CTNNA2: variants seen among roughly 807,000 people sequenced by gnomAD.
The protein encoded by CTNNA2 is catenin alpha 2, also known as catenin alpha-2.
CTNNA2 carries 42 observed loss-of-function variants against 101.0 expected under a neutral mutation model. That is an observed-to-expected ratio of 0.42 (90% CI 0.32 to 0.54). The LOEUF is 0.54. Among genes scored for constraint, CTNNA2 ranks in the 20% least tolerant of loss-of-function variants. The pLI, the probability that CTNNA2 is intolerant of heterozygous loss-of-function variation, is 0.14. For synonymous variants in CTNNA2, 450 were observed against 456.4 expected (o/e 0.99, Z 0.18); for missense variants, 871 against 1,223.1 (o/e 0.71, Z 4.29).
At chr2:79,624,580 G>T (rs1267914275) in intron 1 of CTNNA2, among the ~76,000 whole-genome samples, 2 of 152,154 alleles carry the variant, frequency 1.3e-5, no homozygotes, top group African/African-American at 4.8e-5. Flanking sequence ...GATGTTGCTG[G>T]TTCAAGACTG....
At position 79,759,990 on chromosome 2, in the gene CTNNA2, T is replaced by C. The variant is rs75198794; in HGVS notation, c.298+15408T>C. Among the ~76,000 whole-genome samples the C allele has an allele frequency of 8.1e-3, 1,239 of 152,298 alleles. 43 individuals carry two copies. The East Asian group carries it at 0.098, about 12-fold the overall frequency. ...CCAAAGCAGGTCTTAAAGCTATTCA[T>C]TTTAAGGCGGTATAGCATATTCGTT... On this transcript the variant is annotated intron_variant, in intron 3 of 18. Coordinates refer to ENST00000402739, the MANE Select transcript of CTNNA2 (RefSeq NM_001282597.3).
At chr2:79,393,795 A>G (rs930868072) in intron 4 of CTNNA2, among the ~76,000 whole-genome samples, 1 of 152,048 alleles carries the variant, frequency 6.6e-6, no homozygotes, top group Non-Finnish European at 1.5e-5. Context: ...ATAGTTTTAC[A>G]TCAGAAATAG....
At chr2:79,438,214 A>G (rs1302348043) in intron 4 of CTNNA2, among the ~76,000 whole-genome samples, 1 of 152,252 alleles carries the variant, frequency 6.6e-6, no homozygotes, top group South Asian at 2.1e-4. Flanking sequence ...AATTACCCCA[A>G]AGCTCTAGAG....
chr2:79,492,605 C>T (rs1414397302), intron 4 of CTNNA2, among the ~76,000 whole-genome samples: 1 of 152,024 alleles, frequency 6.6e-6, no homozygotes, highest in Non-Finnish European at 1.5e-5. Context: ...TTTGAACTTT[C>T]ATAATTTGCA....
At chr2:79,547,260 C>G (rs147605049) in intron 1 of CTNNA2, 137 of 152,156 alleles carry the variant, frequency 9.0e-4, no homozygotes, top group African/African-American at 3.2e-3. Context: ...TCATCTGGTA[C>G]CTAATAAATT....
rs1311375637 is a variant in CTNNA2, at chr2:80,252,788, C to A, written c.1057-140423C>A. On this transcript the variant is annotated intron_variant, in intron 7 of 18. Coordinates refer to ENST00000402739, the MANE Select transcript of CTNNA2 (RefSeq NM_001282597.3). ...GAAGTTATGCAAGCTCACGAGGTTA[C>A]AAGAGGACTTGTAGGCGGCGACTTG... 2.0e-5 allele frequency among the ~76,000 whole-genome samples: 3 copies of A among 152,120 alleles called. No homozygotes were observed. The East Asian group carries it at 5.8e-4, about 29-fold the overall frequency.
chr2:79,562,158 A>C (rs965768935), intron 1 of CTNNA2, among the ~76,000 whole-genome samples: 1 of 152,016 alleles, frequency 6.6e-6, no homozygotes, highest in African/African-American at 2.4e-5. Context: ...ATCCAACTAC[A>C]TTCTTTTGTA....
In CTNNA2 at chr2:79,435,568, T is replaced by A. The variant is rs1993101; in HGVS notation, c.-135+61555T>A. ...AACTTATTCCTTGGGAAATTCGTGA[T>A]TCTGGGTTATCCCTCTCAGATGAAA... On this transcript the variant is annotated intron_variant, in intron 4 of 21. Transcript: ENST00000466387. Among the ~76,000 whole-genome samples, 730 of 152,312 alleles carry A rather than the reference T, an allele frequency of 4.8e-3. 41 individuals carry two copies. The East Asian group carries it at 0.12, about 24-fold the overall frequency.
intron 4 of CTNNA2, among the ~76,000 whole-genome samples, chr2:79,483,029 C>CA (rs1173985496): frequency 1.3e-5 from 2 of 152,320 alleles, no homozygotes; most frequent in Admixed American, 6.5e-5. Context: ...GCTGGTTCAA[C>CA]AAATAATCAC....
intron 2 of CTNNA2, among the ~76,000 whole-genome samples, chr2:79,664,340 T>C (rs546386851): frequency 1.5e-4 from 23 of 152,318 alleles, no homozygotes; most frequent in Non-Finnish European, 2.8e-4. Context: ...TTATGAACCT[T>C]AAATATGATG....
At chr2:79,686,837 T>C (rs1683964696) in intron 2 of CTNNA2, among the ~76,000 whole-genome samples, 1 of 152,064 alleles carries the variant, frequency 6.6e-6, no homozygotes, top group African/African-American at 2.4e-5. Context: ...GCTCAATGTC[T>C]AGAGTGAGAG....
At chr2:80,036,937 G>C (rs563659363) in intron 7 of CTNNA2, among the ~76,000 whole-genome samples, 36 of 152,232 alleles carry the variant, frequency 2.4e-4, no homozygotes, top group South Asian at 1.4e-3. Context: ...GGTTATGAAG[G>C]TGGGAAGAGC....
At chr2:79,439,791 C>T (rs1678757656) in intron 4 of CTNNA2, among the ~76,000 whole-genome samples, 1 of 151,940 alleles carries the variant, frequency 6.6e-6, no homozygotes, top group African/African-American at 2.4e-5. Context: ...TCTGACTGCA[C>T]CCCAGACCTA....
intron 3 of CTNNA2, among the ~76,000 whole-genome samples, chr2:79,827,270 TC>T (rs1678522175): frequency 6.6e-6 from 1 of 152,132 alleles, no homozygotes; most frequent in African/African-American, 2.4e-5. Flanking sequence ...ACTCCTGACC[TC>T]AGGTGATCCA....
intron 7 of CTNNA2, among the ~76,000 whole-genome samples, chr2:80,122,135 G>A (rs975913144): frequency 1.3e-5 from 2 of 151,896 alleles, no homozygotes; most frequent in Non-Finnish European, 2.9e-5. Flanking sequence ...AAGGAATTAC[G>A]TGGCTCTGGG....
intron 3 of CTNNA2, among the ~76,000 whole-genome samples, chr2:79,852,205 CAT>C (rs1030899623): frequency 1.3e-5 from 2 of 152,204 alleles, no homozygotes; most frequent in Non-Finnish European, 2.9e-5. Context: ...TGGTTAAAAA[CAT>C]ATGCATACAG....
At chr2:79,999,958 A>G (rs1023041289) in intron 7 of CTNNA2, among the ~76,000 whole-genome samples, 5 of 152,170 alleles carry the variant, frequency 3.3e-5, no homozygotes, top group Non-Finnish European at 5.9e-5. Flanking sequence ...GGGAAGAGTT[A>G]AGGAAAGAAG....
chr2:79,210,526 G>T (rs1421341872), intron 2 of CTNNA2, among the ~76,000 whole-genome samples: 1 of 152,062 alleles, frequency 6.6e-6, no homozygotes, highest in African/African-American at 2.4e-5. Context: ...AAAACATTTA[G>T]CTCAATCTAT....
At position 79,537,730 on chromosome 2, in the gene CTNNA2, C is replaced by A. The variant is rs1182611622; in HGVS notation, c.-6+24523C>A. On this transcript the variant is annotated intron_variant, in intron 1 of 18. Transcript: ENST00000402739. The stretch of plus-strand genomic sequence containing the variant: ...TTACCTTTAGACCATAAATACTTAC[C>A]ATGTCAGTTATATTTGCATCCTAGA... Among the ~76,000 whole-genome samples, 3 of 151,864 alleles carry A rather than the reference C, an allele frequency of 2.0e-5. No individual in the cohort carries two copies. In the East Asian group the frequency reaches 5.8e-4, roughly 29 times the overall value.
Sources: gnomAD v4.1 joint callset for allele counts (sites outside exome capture counted in the v4.1 genomes callset) on GRCh38, gnomAD v4.1.1 for gene constraint, MANE v1.5 for transcripts, NCBI Gene and HGNC (gene_info 2026-07-23, HGNC 2026-07-21) for gene names.